Variants in PPP1R14D observed in about 807,000 individuals in gnomAD.
PPP1R14D encodes protein phosphatase 1 regulatory subunit 14D.
In PPP1R14D, 14 loss-of-function variants were observed where a neutral mutation model predicts 17.1. The ratio of observed to expected loss-of-function variants is 0.82; its 90% CI spans 0.54 to 1.28. PPP1R14D has a LOEUF of 1.28. Among genes scored for constraint, PPP1R14D ranks in the 50% most tolerant of loss-of-function variants. The pLI, the probability that PPP1R14D is intolerant of heterozygous loss-of-function variation, is 0.00. For missense variants in PPP1R14D, 173 were observed against 179.2 expected (o/e 0.97, Z 0.20); for synonymous variants, 67 against 66.1 (o/e 1.01, Z -0.06).
chr15:40,824,691 A>C (rs2141989156), intron 1 of PPP1R14D, among the ~76,000 whole-genome samples: 1 of 152,274 alleles, frequency 6.6e-6, no homozygotes, highest in East Asian at 1.9e-4. Flanking sequence ...TTTAAGTCAA[A>C]AGTTTAATAG....
At chr15:40,817,602 C>CA (rs1416961196) in intron 1 of PPP1R14D, among the ~76,000 whole-genome samples, 1 of 138,194 alleles carries the variant, frequency 7.2e-6, no homozygotes, top group African/African-American at 2.7e-5. Context: ...TGGTTTCTTA[C>CA]AAAACTAAAC....
At chr15:40,816,055 C>A in intron 2 of PPP1R14D, 61 bp from the exon 3 acceptor site, 24 of 1,605,824 alleles carry the variant, frequency 1.5e-5, no homozygotes, top group Non-Finnish European at 2.0e-5. Context: ...AAGTCCCCAC[C>A]AATCTCCCAA....
At chr15:40,817,986 C>G (rs559081186) in intron 1 of PPP1R14D, among the ~76,000 whole-genome samples, 1 of 152,204 alleles carries the variant, frequency 6.6e-6, no homozygotes, top group Admixed American at 6.5e-5. Context: ...AAAACACATT[C>G]ACACAAAAAC....
chr15:40,816,047 G>A, intron 2 of PPP1R14D, 53 bp from the exon 3 acceptor site: 1 of 1,608,162 alleles, frequency 6.2e-7, no homozygotes. Flanking sequence ...TTTCCCGCAA[G>A]TCCCCACCAA....
chr15:40,826,933 C>A (rs895501828), intron 1 of PPP1R14D, among the ~76,000 whole-genome samples: 1 of 152,206 alleles, frequency 6.6e-6, no homozygotes, highest in Non-Finnish European at 1.5e-5. Context: ...GCTGGAACAG[C>A]AGTTCTTACC....
chr15:40,827,027 A>G (rs1232266017), intron 1 of PPP1R14D, among the ~76,000 whole-genome samples: 1 of 152,200 alleles, frequency 6.6e-6, no homozygotes, highest in Non-Finnish European at 1.5e-5. Context: ...CTTTTCCCAG[A>G]GTGGGGTTGA....
Position 40,828,370 on chromosome 15 carries a change from T to G in PPP1R14D, c.255+17A>C, listed in dbSNP as rs777510662. Reference sequence around the variant, plus strand: ...CCCAGGCCCCCATCTCCTCCCACTATCCGCTGTGCTACCTACCTGGAAGAG... The same window carrying G: ...CCCAGGCCCCCATCTCCTCCCACTAGCCGCTGTGCTACCTACCTGGAAGAG... On this transcript the variant is annotated intron_variant, in intron 1 of 3. Transcript: ENST00000299174. 2.6e-6 allele frequency: 4 copies of G among 1,562,502 alleles called. No individual in the cohort carries two copies. Among genetic ancestry groups the G allele is most frequent in the Middle Eastern group, 1.7e-4 (1 of 5,776 alleles).
rs563478715 is a variant in PPP1R14D, at chr15:40,816,715, G to A, written c.256-462C>T. 9.2e-5 allele frequency among the ~76,000 whole-genome samples: 14 copies of A among 151,608 alleles called. No homozygotes were observed. In the East Asian group the frequency reaches 2.1e-3, roughly 23 times the overall value. ...ATCCTGGGTGACAGAGGGAGACTTC[G>A]TCGCAAAAAAAATAAAAATAATAAA... On this transcript the variant is annotated intron_variant, in intron 1 of 3. Coordinates refer to ENST00000299174, the MANE Select transcript of PPP1R14D (RefSeq NM_017726.8).
intron 1 of PPP1R14D, among the ~76,000 whole-genome samples, chr15:40,823,713 T>C (rs1026809312): frequency 6.6e-6 from 1 of 152,194 alleles, no homozygotes; most frequent in African/African-American, 2.4e-5. Context: ...ATAGCCTACA[T>C]GTGTGGTAGG....
At position 40,822,328 on chromosome 15, in the gene PPP1R14D, AAAAG is replaced by A. The variant is rs563712048; in HGVS notation, c.255+6055_255+6058del. Reference sequence around the variant, plus strand: ...AGTGAGACCTTGCCTCTAAAAAAAAAAAAGAAAGAAAAAAATATTTTTATAAATT... The same window carrying A: ...AGTGAGACCTTGCCTCTAAAAAAAAAAAAGAAAAAAATATTTTTATAAATT... On this transcript the variant is annotated intron_variant, in intron 1 of 3. Coordinates refer to ENST00000299174, the MANE Select transcript of PPP1R14D (RefSeq NM_017726.8). 4.3e-3 allele frequency among the ~76,000 whole-genome samples: 656 copies of A among 152,010 alleles called. 5 individuals carry two copies. Among genetic ancestry groups the A allele is most frequent in the Non-Finnish European group, 6.2e-3 (423 of 67,970 alleles).
At chr15:40,816,840 G>A (rs571511923) in intron 1 of PPP1R14D, among the ~76,000 whole-genome samples, 1 of 152,278 alleles carries the variant, frequency 6.6e-6, no homozygotes, top group South Asian at 2.1e-4. Context: ...GGGAGGCTGA[G>A]GTGGGTGGAT....
Position 40,823,710 on chromosome 15 carries a change from A to ATATACCACAC in PPP1R14D, c.255+4676_255+4677insGTGTGGTATA, listed in dbSNP as rs1890823029. On this transcript the variant is annotated intron_variant, in intron 1 of 3. Transcript: ENST00000299174. ...GAATAATAGCTACACCATATAGCCT[A>ATATACCACAC]CATGTGTGGTAGGCTATACCATCTA... is the stretch of plus-strand genomic sequence containing the variant. Among the ~76,000 whole-genome samples, 3 of 152,316 alleles carry ATATACCACAC rather than the reference A, an allele frequency of 2.0e-5. No individual in the cohort carries two copies. The East Asian group carries it at 5.8e-4, about 29-fold the overall frequency.
intron 1 of PPP1R14D, among the ~76,000 whole-genome samples, chr15:40,823,123 C>T (rs1673354937): frequency 6.6e-6 from 1 of 151,916 alleles, no homozygotes; most frequent in Non-Finnish European, 1.5e-5. Context: ...CACCACCATG[C>T]CTGGCTAATT....
In PPP1R14D at chr15:40,815,957, C is replaced by G. The variant is rs1461629025; in HGVS notation, c.372+5G>C. The G allele has an allele frequency of 1.2e-6, 2 of 1,614,100 alleles. No homozygotes were observed. The highest frequency in any genetic ancestry group is 1.1e-5 in the South Asian group (1 of 91,074). ...ACCCCAGACCAGCAGAAGAACATCC[C>G]TTACCTCTGTGGGGCGGGGGCAGTT... is the stretch of plus-strand genomic sequence containing the variant. On this transcript the variant is annotated splice_donor_5th_base_variant and intron_variant, in intron 3 of 3. Transcript: ENST00000299174.
At chr15:40,825,707 G>T (rs953161640) in intron 1 of PPP1R14D, among the ~76,000 whole-genome samples, 1 of 152,188 alleles carries the variant, frequency 6.6e-6, no homozygotes, top group Non-Finnish European at 1.5e-5. Context: ...CTTGACCTCT[G>T]CCCAAGATGA....
In PPP1R14D at chr15:40,828,666, C is replaced by G. The variant is rs2141991361; in HGVS notation, c.-25G>C. ...TGGAAGTATTGGTCTGGGCAAGGAGCTGGGAAAAACCGCCAGTTCTGAGCA... is the reference window on the plus strand; with the variant it reads ...TGGAAGTATTGGTCTGGGCAAGGAGGTGGGAAAAACCGCCAGTTCTGAGCA... On this transcript the variant is annotated 5_prime_UTR_variant, in exon 1 of 4. Coordinates refer to ENST00000299174, the MANE Select transcript of PPP1R14D (RefSeq NM_017726.8). 1.9e-6 allele frequency: 3 copies of G among 1,578,682 alleles called. No homozygotes were observed. In the South Asian group the frequency reaches 3.5e-5, roughly 19 times the overall value.
At chr15:40,824,011 A>C (rs1183010453) in intron 1 of PPP1R14D, among the ~76,000 whole-genome samples, 1 of 151,790 alleles carries the variant, frequency 6.6e-6, no homozygotes, top group East Asian at 1.9e-4. Flanking sequence ...AAAAAAAAAA[A>C]AAGGACTACT....
In PPP1R14D at chr15:40,815,767, G is replaced by A. The variant is rs1361970441; in HGVS notation, c.373-6C>T. ...AGCAGCTCAGAGATAAAAGCCTGAGGGAGAAACAGGAGTGAGACCAGGCTT... is the reference window on the plus strand; with the variant it reads ...AGCAGCTCAGAGATAAAAGCCTGAGAGAGAAACAGGAGTGAGACCAGGCTT... On this transcript the variant is annotated splice_polypyrimidine_tract_variant and splice_region_variant and intron_variant, in intron 3 of 3. Coordinates refer to ENST00000299174, the MANE Select transcript of PPP1R14D (RefSeq NM_017726.8). The A allele has an allele frequency of 1.9e-6, 3 of 1,602,726 alleles. No homozygotes were observed. Among genetic ancestry groups the A allele is most frequent in the South Asian group, 1.1e-5 (1 of 90,206 alleles).
At chr15:40,816,096 C>G in intron 2 of PPP1R14D, 74 bp downstream of exon 2, 5 of 1,599,112 alleles carry the variant, frequency 3.1e-6, no homozygotes, top group Non-Finnish European at 4.3e-6. Context: ...GTTCTCTGCA[C>G]TCCACCAAAG....
Sources: gnomAD v4.1 joint callset for allele counts (sites outside exome capture counted in the v4.1 genomes callset) on GRCh38, gnomAD v4.1.1 for gene constraint, MANE v1.5 for transcripts, NCBI Gene and HGNC (gene_info 2026-07-23, HGNC 2026-07-21) for gene names.